Variants in KCNMA1 observed in about 807,000 individuals in gnomAD.
KCNMA1 encodes the protein Calcium-activated potassium channel subunit alpha-1.
Under a neutral mutation model 140.0 loss-of-function variants are expected in KCNMA1, and 29 were observed. The observed-to-expected ratio is 0.21, with a 90% CI of 0.15 to 0.28. The LOEUF (loss-of-function observed/expected upper bound fraction) is 0.28. Among genes scored for constraint, KCNMA1 ranks in the 10% least tolerant of loss-of-function variants. KCNMA1 has a pLI of 1.00. For synonymous variants in KCNMA1, 612 were observed against 611.9 expected, an observed-to-expected ratio of 1.00 and a Z score of 0.00; for missense variants, 880 against 1,602.2, an observed-to-expected ratio of 0.55 and a Z score of 7.70.
chr10:77,284,818 T>C (rs1451145879), intron 2 of KCNMA1, among the ~76,000 whole-genome samples: 1 of 152,160 alleles, frequency 6.6e-6, no homozygotes, highest in Non-Finnish European at 1.5e-5. Context: ...CCAACGAGAC[T>C]CTGTTAAGCT....
At chr10:76,902,913 C>T (rs2046134712) in intron 25 of KCNMA1, 1 of 152,226 alleles carries the variant, frequency 6.6e-6, no homozygotes, top group South Asian at 2.1e-4. Flanking sequence ...GAACCATCAA[C>T]TAGCAATGCA....
chr10:77,430,891 T>C (rs1005000100), intron 1 of KCNMA1, among the ~76,000 whole-genome samples: 2 of 152,194 alleles, frequency 1.3e-5, no homozygotes, highest in African/African-American at 4.8e-5. Context: ...TGCTAAGGAC[T>C]TGTCCATCAA....
chr10:77,039,394 G>A, intron 15 of KCNMA1, 134 bp downstream of exon 15: 2 of 709,600 alleles, frequency 2.8e-6, no homozygotes, highest in South Asian at 3.0e-5. Context: ...TCATCACATG[G>A]GGCCGAGCAC....
downstream of KCNMA1, among the ~76,000 whole-genome samples, chr10:76,883,201 C>T (rs757998179): frequency 6.6e-6 from 1 of 152,132 alleles, no homozygotes; most frequent in South Asian, 2.1e-4. Context: ...GCCACCAACA[C>T]AGCAGCATCA....
At chr10:77,236,873 G>C (rs1215644411) in intron 3 of KCNMA1, among the ~76,000 whole-genome samples, 4 of 152,162 alleles carry the variant, frequency 2.6e-5, no homozygotes, top group Non-Finnish European at 5.9e-5. Context: ...TCAAACTCTT[G>C]GCCTCAAGCC....
intron 1 of KCNMA1, among the ~76,000 whole-genome samples, chr10:77,548,311 T>C (rs1039634960): frequency 1.3e-5 from 2 of 152,132 alleles, no homozygotes; most frequent in Admixed American, 6.5e-5. Flanking sequence ...AGCCTTACCC[T>C]GCAACCACGC....
At chr10:77,069,374 C>T (rs1458758868) in intron 14 of KCNMA1, among the ~76,000 whole-genome samples, 1 of 152,202 alleles carries the variant, frequency 6.6e-6, no homozygotes, top group Non-Finnish European at 1.5e-5. Context: ...TCCTTAACAG[C>T]AGCTGCTGAG....
At chr10:77,140,964 G>T (rs896660398) in intron 5 of KCNMA1, among the ~76,000 whole-genome samples, 1 of 152,074 alleles carries the variant, frequency 6.6e-6, no homozygotes, top group African/African-American at 2.4e-5. Context: ...CCACTAAGTC[G>T]TTTCTTTTAT....
At chr10:77,311,408 C>T (rs879681800) in intron 2 of KCNMA1, among the ~76,000 whole-genome samples, 10 of 152,070 alleles carry the variant, frequency 6.6e-5, no homozygotes, top group Non-Finnish European at 1.5e-4. Context: ...CCCTGCTTCT[C>T]GGCACCAGGG....
At chr10:77,371,891 TC>T (rs888647194) in intron 2 of KCNMA1, among the ~76,000 whole-genome samples, 22 of 152,212 alleles carry the variant, frequency 1.4e-4, no homozygotes, top group African/African-American at 4.8e-4. Flanking sequence ...ATCAAGAGTA[TC>T]TCTGCTTAAA....
intron 25 of KCNMA1, among the ~76,000 whole-genome samples, chr10:76,908,406 G>A (rs2048674978): frequency 6.6e-6 from 1 of 152,218 alleles, no homozygotes; most frequent in Admixed American, 6.5e-5. Flanking sequence ...ATGGCATGAA[G>A]CCCAGTTAAC....
rs565287831 is a variant in KCNMA1, at chr10:77,346,286, T to C, written c.540+57576A>G. Among the ~76,000 whole-genome samples the C allele has an allele frequency of 4.8e-4, 73 of 152,326 alleles. 1 individual carries two copies. The highest frequency in any genetic ancestry group is 1.8e-3 in the African/African-American group (73 of 41,584). ...AAACATTTCAACTGCTCAGCACATCTAAATCAGTACTCCCTTAACAACCCA... is the reference window on the plus strand; with the variant it reads ...AAACATTTCAACTGCTCAGCACATCCAAATCAGTACTCCCTTAACAACCCA... On this transcript the variant is annotated intron_variant, in intron 2 of 27. Transcript: ENST00000286628.
chr10:77,231,725 AC>A (rs1370032326), intron 3 of KCNMA1, among the ~76,000 whole-genome samples: 1 of 152,128 alleles, frequency 6.6e-6, no homozygotes, highest in Admixed American at 6.6e-5. Flanking sequence ...CTCAGTTGAG[AC>A]CTAAGAAAAC....
downstream of KCNMA1, among the ~76,000 whole-genome samples, chr10:76,882,985 G>A (rs1423970897): frequency 1.3e-5 from 2 of 152,228 alleles, no homozygotes. Flanking sequence ...TGTTGCTATA[G>A]GAACCTGGCA....
downstream of KCNMA1, chr10:76,884,598 A>C (rs2151600607): frequency 5.7e-6 from 1 of 175,392 alleles, no homozygotes; most frequent in Middle Eastern, 2.3e-3. Context: ...CAGGGTGGGC[A>C]GGGAGGCCAC....
At chr10:76,916,944 A>C (rs972745751) in intron 23 of KCNMA1, among the ~76,000 whole-genome samples, 1 of 152,200 alleles carries the variant, frequency 6.6e-6, no homozygotes, top group Non-Finnish European at 1.5e-5. Context: ...CCATTCCCTG[A>C]CTGCACTTAA....
At chr10:76,907,707 T>A (rs187000911) in intron 25 of KCNMA1, among the ~76,000 whole-genome samples, 3 of 152,130 alleles carry the variant, frequency 2.0e-5, no homozygotes, top group Admixed American at 6.5e-5. Flanking sequence ...CCCAGCTAAT[T>A]TTTTTATATT....
intron 19 of KCNMA1, among the ~76,000 whole-genome samples, chr10:76,982,901 CT>C (rs2080003981): frequency 6.6e-6 from 1 of 151,896 alleles, no homozygotes; most frequent in South Asian, 2.1e-4. Context: ...TCTCATTTTT[CT>C]TTTTTTTCTG....
At chr10:76,935,513 C>T (rs2131217) in intron 23 of KCNMA1, among the ~76,000 whole-genome samples, 14,323 of 152,186 alleles carry the variant, frequency 0.094, 1,433 homozygotes, top group African/African-American at 0.25. Flanking sequence ...TGAATCTCTG[C>T]TTTCTCAACT....
Sources: gnomAD v4.1 joint callset for allele counts (sites outside exome capture counted in the v4.1 genomes callset) on GRCh38, gnomAD v4.1.1 for gene constraint, MANE v1.5 for transcripts, NCBI Gene and HGNC (gene_info 2026-07-23, HGNC 2026-07-21) for gene names.